ZNF491: variants seen among roughly 807,000 people sequenced by gnomAD.
ZNF491 encodes zinc finger protein 491.
ZNF491 carries 22 observed loss-of-function variants against 34.7 expected under a neutral mutation model. The observed-to-expected ratio is 0.63, with a 90% CI of 0.45 to 0.90. ZNF491 has a LOEUF of 0.90. ZNF491 is among the 40% of genes least tolerant of loss of function. The pLI is 0.00. For synonymous variants in ZNF491, 148 were observed against 174.3 expected, an observed-to-expected ratio of 0.85 and a Z score of 1.19; for missense variants, 559 against 531.7, an observed-to-expected ratio of 1.05 and a Z score of -0.51.
Position 11,798,892 on chromosome 19 carries a change from G to C in ZNF491, c.-134+165G>C, listed in dbSNP as rs1975529048. ...CCTCGGTCCGCTCGGCCGCCAGGTG[G>C]GGCTGGGCCCGCAGCTGGGACCCCG... On this transcript the variant is annotated intron_variant, in intron 1 of 2. Transcript: ENST00000323169. The surrounding 1 kb of genome is among the most constrained non-coding windows in gnomAD (Gnocchi z 4.0). Among the ~76,000 whole-genome samples, 1 of 152,186 alleles carries C rather than the reference G, an allele frequency of 6.6e-6. No homozygotes were observed. The highest frequency in any genetic ancestry group is 6.5e-5 in the Admixed American group (1 of 15,282).
intron 1 of ZNF491, among the ~76,000 whole-genome samples, chr19:11,803,391 C>T (rs1007982858): frequency 2.0e-5 from 3 of 152,218 alleles, no homozygotes; most frequent in African/African-American, 7.2e-5. Context: ...GAGCATCTTA[C>T]ATAACCATGG....
In ZNF491 at chr19:11,806,873, C is replaced by G. The variant is rs754596675; in HGVS notation, c.920C>G (p.Ala307Gly). ...KPYKCKQCGKAFTCSTSFQYH... is the reference protein window; with the variant it reads ...KPYKCKQCGKGFTCSTSFQYH... ...TACAAATGCAAGCAATGTGGGAAAG[C>G]CTTCACTTGTTCCACTTCGTTTCAA... The change falls in exon 3 of 3, where the codon GCC becomes GGC. Residue 307 changes from alanine to glycine, a missense_variant. Physicochemically the swap from Ala to Gly is moderately conservative, Grantham distance 60. Coordinates refer to ENST00000323169, the MANE Select transcript of ZNF491 (RefSeq NM_152356.4). 1.1e-5 allele frequency: 18 copies of G among 1,611,088 alleles called. No individual in the cohort carries two copies. Among genetic ancestry groups the G allele is most frequent in the Non-Finnish European group, 1.4e-5 (17 of 1,178,692 alleles).
intron 1 of ZNF491, among the ~76,000 whole-genome samples, chr19:11,803,593 T>C (rs1599280296): frequency 6.6e-6 from 1 of 152,206 alleles, no homozygotes; most frequent in African/African-American, 2.4e-5. Context: ...TAAAATCACT[T>C]TGACAGTTTT....
At position 11,806,642 on chromosome 19, in the gene ZNF491, T is replaced by C. The variant is rs1975617620; in HGVS notation, c.689T>C (p.Phe230Ser). 6.2e-7 allele frequency: 1 copy of C among 1,613,648 alleles called. No homozygotes were observed. The highest frequency in any genetic ancestry group is 1.7e-5 in the Admixed American group (1 of 59,952). ...CGKAFNCPSS[F>S]HRHERTHTGE... Reference sequence around the variant, plus strand: ...AAAGCCTTCAATTGTCCCAGTTCTTTTCACAGGCATGAAAGGACTCACACA... The same window carrying C: ...AAAGCCTTCAATTGTCCCAGTTCTTCTCACAGGCATGAAAGGACTCACACA... Residue 230 changes from phenylalanine to serine, a missense_variant, in exon 3 of 3, where the codon TTT (phenylalanine) becomes TCT (serine). By Grantham distance (155) the Phe-to-Ser change is radical. Transcript: ENST00000323169.
In ZNF491 at chr19:11,807,127, T is replaced by C; in HGVS notation, c.1174T>C (p.Phe392Leu). 1 of 1,612,708 alleles carries C rather than the reference T, an allele frequency of 6.2e-7. No individual in the cohort carries two copies. Among genetic ancestry groups the C allele is most frequent in the Non-Finnish European group, 8.5e-7 (1 of 1,179,530 alleles). Residue 392 changes from phenylalanine (F) to leucine (L), a missense_variant, in exon 3 of 3, where the codon TTC (phenylalanine) becomes CTC (leucine). Coordinates refer to ENST00000323169, the MANE Select transcript of ZNF491 (RefSeq NM_152356.4). ...PYECKHCGKA[F>L]TCSIYIRIHE... ...TGAATGTAAGCATTGTGGGAAAGCC[T>C]TCACTTGTTCCATATATATTAGAAT... is the stretch of plus-strand genomic sequence containing the variant.
At chr19:11,805,409 CAA>C (rs971587205) in intron 2 of ZNF491, among the ~76,000 whole-genome samples, 2 of 48,992 alleles carry the variant, frequency 4.1e-5, no homozygotes, top group East Asian at 5.7e-4. Flanking sequence ...AACTCCGTCT[CAA>C]AAAAAAAAAA....
At chr19:11,799,443 G>C (rs1744586575) in intron 1 of ZNF491, among the ~76,000 whole-genome samples, 1 of 150,556 alleles carries the variant, frequency 6.6e-6, no homozygotes, top group Admixed American at 6.6e-5. Context: ...AGGCTAGTTT[G>C]TGAGGCACAA....
intron 2 of ZNF491, 150 bp from the exon 3 acceptor site, chr19:11,805,797 T>G (rs910170380): frequency 1.4e-5 from 9 of 641,496 alleles, no homozygotes; most frequent in Admixed American, 1.0e-4. Context: ...CAGTGTGTTA[T>G]GATCACACCA....
chr19:11,804,678 C>T lies in ZNF491; in HGVS notation c.-8+11C>T. On this transcript the variant is annotated intron_variant, in intron 2 of 2. Transcript: ENST00000323169. ...ACCTCATCTGTATAGGTAGGGGTGA[C>T]AATATTACCTCCCTCAGTGAATTGT... 1 of 1,229,788 alleles carries T rather than the reference C, an allele frequency of 8.1e-7. No individual in the cohort carries two copies. The highest frequency in any genetic ancestry group is 1.1e-6 in the Non-Finnish European group (1 of 939,272). The allele number at this position is 1,229,788 out of a possible 1,614,324, so 76.2% of individuals were successfully genotyped here.
chr19:11,803,127 C>T (rs1317436142), intron 1 of ZNF491, among the ~76,000 whole-genome samples: 1 of 151,774 alleles, frequency 6.6e-6, no homozygotes, highest in South Asian at 2.1e-4. Context: ...GGATTACAGG[C>T]GCCTGCCACC....
chr19:11,799,472 G>GCCCGCCCCCCTCCC (rs1975534832), intron 1 of ZNF491, among the ~76,000 whole-genome samples: 1 of 132,696 alleles, frequency 7.5e-6, no homozygotes, highest in Non-Finnish European at 1.6e-5. Flanking sequence ...TCAGAGTTTG[G>GCCCGCCCCCCTCCC]CCCGCCCCCC....
rs1181264984 is a variant in ZNF491 at position 11,806,999 on chromosome 19, A to C, written c.1046A>C (p.His349Pro). 6.2e-7 allele frequency: 1 copy of C among 1,612,828 alleles called. No individual in the cohort carries two copies. The highest frequency in any genetic ancestry group is 8.5e-7 in the Non-Finnish European group (1 of 1,179,414). The change falls in exon 3 of 3, where the codon CAC becomes CCC. Residue 349 changes from histidine (H) to proline (P), a missense_variant. Coordinates refer to ENST00000323169, the MANE Select transcript of ZNF491 (RefSeq NM_152356.4). The stretch of plus-strand genomic sequence containing the variant: ...TACATTCGAATACATGGAAGGACTC[A>C]CACTGGTGAGAAACCCTATGAATGT... ...AKYIRIHGRT[H>P]TGEKPYECKQ...
rs901004820 is a variant in ZNF491 at position 11,806,311 on chromosome 19, A to T, written c.358A>T (p.Arg120Ter). 44 of 1,605,570 alleles carry T rather than the reference A, an allele frequency of 2.7e-5. No individual in the cohort carries two copies. Among genetic ancestry groups the T allele is most frequent in the Non-Finnish European group, 3.5e-5 (41 of 1,177,582 alleles). The part of the protein sequence containing the change: ...KSFISPASIR[R>*]YMVTHSGDGP... Reference sequence around the variant, plus strand: ...TTTCATTTCTCCTGCAAGCATTCGAAGATATATGGTAACGCACAGTGGAGA... The same window carrying T: ...TTTCATTTCTCCTGCAAGCATTCGATGATATATGGTAACGCACAGTGGAGA... Residue 120 changes from arginine (R) to a stop codon, truncating the protein, a stop_gained, in exon 3 of 3, where the codon AGA becomes TGA. Transcript: ENST00000323169. LOFTEE classifies it high-confidence loss of function.
rs768868022 is a variant in ZNF491 at position 11,807,000 on chromosome 19, C to T, written c.1047C>T (p.His349=). The T allele has an allele frequency of 6.2e-7, 1 of 1,612,708 alleles. No individual in the cohort carries two copies. The highest frequency in any genetic ancestry group is 2.2e-5 in the East Asian group (1 of 44,882). ...ACATTCGAATACATGGAAGGACTCA[C>T]ACTGGTGAGAAACCCTATGAATGTA... ...AKYIRIHGRT[H]TGEKPYECKQ... The change falls in exon 3 of 3, where the codon CAC becomes CAT. Residue 349 remains histidine (H), a synonymous_variant. Transcript: ENST00000323169.
chr19:11,806,044 C>T lies in ZNF491; in HGVS notation c.91C>T (p.Leu31Phe), dbSNP rs1975606282. 3.1e-6 allele frequency: 5 copies of T among 1,613,852 alleles called. No homozygotes were observed. Among genetic ancestry groups the T allele is most frequent in the Non-Finnish European group, 4.2e-6 (5 of 1,179,982 alleles). The change falls in exon 3 of 3, where the codon CTT (leucine) becomes TTT (phenylalanine). Residue 31 changes from leucine (L) to phenylalanine (F), a missense_variant. Physicochemically the swap from Leu to Phe is conservative, Grantham distance 22 (BLOSUM62 0). Transcript: ENST00000323169. Reference sequence around the variant, plus strand: ...GGAAGACATGCTGAACAAGAAAACTCTTCCTGGAGTAAAATCATGTGAAAG... The same window carrying T: ...GGAAGACATGCTGAACAAGAAAACTTTTCCTGGAGTAAAATCATGTGAAAG... ...VPEDMLNKKTLPGVKSCESGT... is the reference protein window; with the variant it reads ...VPEDMLNKKTFPGVKSCESGT...
At chr19:11,802,950 G>A (rs1031585944) in intron 1 of ZNF491, among the ~76,000 whole-genome samples, 64 of 151,410 alleles carry the variant, frequency 4.2e-4, no homozygotes, top group East Asian at 7.7e-4. Flanking sequence ...CTTTCTCTCC[G>A]GATTCACCAA....
chr19:11,802,469 GT>G (rs1207321177), intron 1 of ZNF491, among the ~76,000 whole-genome samples: 1 of 152,084 alleles, frequency 6.6e-6, no homozygotes, highest in Non-Finnish European at 1.5e-5. Flanking sequence ...CTTGTTGATA[GT>G]GTGTTCCCTT....
At position 11,807,218 on chromosome 19, in the gene ZNF491, G is replaced by A. The variant is rs200215046; in HGVS notation, c.1265G>A (p.Arg422His). The change falls in exon 3 of 3, where the codon CGT (arginine) becomes CAT (histidine). Residue 422 changes from arginine to histidine, a missense_variant. Arg to His is a conservative substitution (Grantham distance 29). Coordinates refer to ENST00000323169, the MANE Select transcript of ZNF491 (RefSeq NM_152356.4). Reference sequence around the variant, plus strand: ...AAGGAATGTGGGAAAGCCTTCATTCGTTCCAGTTACTGTCGAAAACATGAA... The same window carrying A: ...AAGGAATGTGGGAAAGCCTTCATTCATTCCAGTTACTGTCGAAAACATGAA... ...QCKECGKAFI[R>H]SSYCRKHERT... 1.1e-4 allele frequency: 170 copies of A among 1,573,200 alleles called. 2 individuals are homozygous for A. Among genetic ancestry groups the A allele is most frequent in the South Asian group, 1.0e-3 (88 of 83,888 alleles).
intron 1 of ZNF491, among the ~76,000 whole-genome samples, chr19:11,802,469 G>A (rs1254612478): frequency 6.6e-6 from 1 of 152,084 alleles, no homozygotes; most frequent in African/African-American, 2.4e-5. Flanking sequence ...CTTGTTGATA[G>A]TGTGTTCCCT....
Sources: allele counts gnomAD v4.1 joint callset (sites outside exome capture counted in the v4.1 genomes callset), GRCh38; gene constraint gnomAD v4.1.1; non-coding constraint Gnocchi (gnomAD v3.1); transcripts MANE v1.5; gene names NCBI Gene and HGNC (gene_info 2026-07-23, HGNC 2026-07-21).